TTN: variants seen among roughly 807,000 people sequenced by gnomAD.
The protein encoded by TTN is connectin.
Under a neutral mutation model 3,223.0 loss-of-function variants are expected in TTN, and 1,525 were observed. The observed-to-expected ratio is 0.47, with a 90% CI of 0.45 to 0.49. The LOEUF is 0.49. TTN is among the 20% of genes least tolerant of loss of function. TTN has a pLI of 0.00. For missense variants in TTN, 40,786 were observed against 43,424.0 expected, an observed-to-expected ratio of 0.94 and a Z score of 5.40; for synonymous variants, 14,094 against 15,161.0, an observed-to-expected ratio of 0.93 and a Z score of 5.17.
Position 178,773,147 on chromosome 2 carries a change from G to C in TTN, c.7817C>G (p.Ala2606Gly). ...KDDEGKYTFY[A>G]GENMTSGKLT... The stretch of plus-strand genomic sequence containing the variant: ...TTTTCCAGATGTCATATTTTCTCCC[G>C]CGTAAAATGTGTATTTTCCTTCATC... Residue 2606 changes from alanine to glycine, a missense_variant, in exon 33 of 363, where the codon GCG (alanine) becomes GGG (glycine). Coordinates refer to ENST00000589042, the MANE Select transcript of TTN (RefSeq NM_001267550.2). 1 of 1,613,756 alleles carries C rather than the reference G, an allele frequency of 6.2e-7. No homozygotes were observed. Among genetic ancestry groups the C allele is most frequent in the South Asian group, 1.1e-5 (1 of 91,036 alleles).
At chr2:178,778,827 T>C (rs1471035691) in intron 24 of TTN, 47 bp downstream of exon 24, 14 of 1,612,580 alleles carry the variant, frequency 8.7e-6, no homozygotes, top group Admixed American at 1.7e-5. Flanking sequence ...TTTGATGTTT[T>C]GAAAACAATT....
At position 178,713,100 on chromosome 2, in the gene TTN, G is replaced by A. The variant is rs765386562; in HGVS notation, c.27034C>T (p.Pro9012Ser). ...GTAAACTGACCTCTCACAGTCAAAG[G>A]AGCACTACATTCATCAGAACCAGCC... ...NMAGSDECSA[P>S]LTVREPPSFV... The change falls in exon 93 of 363, where the codon CCT (proline) becomes TCT (serine). Residue 9012 changes from proline (P) to serine (S), a missense_variant. Pro to Ser is a moderately conservative substitution (Grantham distance 74). Coordinates refer to ENST00000589042, the MANE Select transcript of TTN (RefSeq NM_001267550.2). 2 of 1,613,130 alleles carry A rather than the reference G, an allele frequency of 1.2e-6. No homozygotes were observed. Among genetic ancestry groups the A allele is most frequent in the Non-Finnish European group, 8.5e-7 (1 of 1,179,324 alleles).
At chr2:178,649,718 G>T (rs940022457) in intron 211 of TTN, 87 bp from the exon 212 acceptor site, 3 of 1,537,560 alleles carry the variant, frequency 2.0e-6, no homozygotes, top group Admixed American at 3.5e-5. Context: ...TAACATATAG[G>T]TAAGAGTTAA....
Position 178,771,425 on chromosome 2 carries a change from G to A in TTN, c.7902C>T (p.Ser2634=), listed in dbSNP as rs1553997365. 4 of 1,613,810 alleles carry A rather than the reference G, an allele frequency of 2.5e-6. No individual in the cohort carries two copies. The African/African-American group carries it at 4.0e-5, about 16-fold the overall frequency. Residue 2634 remains serine (S), a synonymous_variant, in exon 34 of 363, where the codon TCC becomes TCT. Coordinates refer to ENST00000589042, the MANE Select transcript of TTN (RefSeq NM_001267550.2). ...KPLTDQTVAE[S]QEAVFECEVA... is the part of the protein sequence containing the mutation. ...CTTCACATTCAAACACAGCTTCCTGGGATTCAGCTACGGTCTGATCTGTGA... is the reference window on the plus strand; with the variant it reads ...CTTCACATTCAAACACAGCTTCCTGAGATTCAGCTACGGTCTGATCTGTGA...
rs373099440 is a variant in TTN, at chr2:178,549,332, C to T, written c.92294G>A (p.Arg30765Lys). The T allele has an allele frequency of 1.2e-6, 2 of 1,613,924 alleles. No homozygotes were observed. Among genetic ancestry groups the T allele is most frequent in the South Asian group, 1.1e-5 (1 of 91,084 alleles). The change falls in exon 339 of 363, where the codon AGA becomes AAA. Residue 30765 changes from arginine (R) to lysine (K), a missense_variant. Arg to Lys is a conservative substitution (Grantham distance 26). Coordinates refer to ENST00000589042, the MANE Select transcript of TTN (RefSeq NM_001267550.2). Reference protein sequence around the residue: ...ILERREKKSTRWVKVISKRPI... With the variant: ...ILERREKKSTKWVKVISKRPI... Reference sequence around the variant, plus strand: ...TCGTTTGCTGATCACTTTTACCCATCTTGTGCTTTTCTTTTCTCTTCTTTC... The same window carrying T: ...TCGTTTGCTGATCACTTTTACCCATTTTGTGCTTTTCTTTTCTCTTCTTTC...
At chr2:178,646,158 G>T (rs2061971222) in intron 216 of TTN, 128 bp from the exon 217 acceptor site, 1 of 122,382 alleles carries the variant, frequency 8.2e-6, no homozygotes. Flanking sequence ...GAAGTACAAA[G>T]TTTACTTTTT....
chr2:178,639,826 G>T (rs2060992480), intron 222 of TTN, 38 bp from the exon 223 acceptor site: 1 of 1,535,238 alleles, frequency 6.5e-7, no homozygotes, highest in Non-Finnish European at 8.7e-7. Context: ...GTATCAATTT[G>T]TCACTTCCTA....
rs372189553 is a variant in TTN at position 178,564,431 on chromosome 2, C to T, written c.81701G>A (p.Gly27234Glu). The stretch of plus-strand genomic sequence containing the variant: ...TTCATATCTTTGGTCTTCTACAAGT[C>T]CACTCACTGTAAATTCAGTTTCTAA... ...NVLETEFTVS[G>E]LVEDQRYEFR... The change falls in exon 326 of 363, where the codon GGA becomes GAA. Residue 27234 changes from glycine (G) to glutamate (E), a missense_variant. Transcript: ENST00000589042. 4.0e-5 allele frequency: 64 copies of T among 1,612,804 alleles called. No individual in the cohort carries two copies. The highest frequency in any genetic ancestry group is 4.7e-5 in the Non-Finnish European group (56 of 1,179,396).
At chr2:178,649,533 T>A in intron 212 of TTN, 21 bp downstream of exon 212, 1 of 1,545,738 alleles carries the variant, frequency 6.5e-7, no homozygotes, top group South Asian at 1.2e-5. Context: ...TTTTTTATGA[T>A]GCCAACGATG....
intron 18 of TTN, 70 bp downstream of exon 18, chr2:178,782,736 T>C (rs999709816): frequency 5.6e-6 from 9 of 1,610,416 alleles, no homozygotes; most frequent in African/African-American, 4.0e-5. Flanking sequence ...ACAGAAACCA[T>C]ATTGTGGAAA....
rs794729594 is a variant in TTN, at chr2:178,748,925, T to C, written c.11311+4199A>G. ...TCTTTGCTTTAATGAAAAGGCTTTG[T>C]CATCAATCTTCTTTTGAGGAGGATT... On this transcript the variant is annotated intron_variant, in intron 47 of 362. Transcript: ENST00000589042. 1.9e-6 allele frequency: 3 copies of C among 1,612,564 alleles called. No individual in the cohort carries two copies. The highest frequency in any genetic ancestry group is 2.5e-6 in the Non-Finnish European group (3 of 1,179,290).
chr2:178,731,832 T>A lies in TTN; in HGVS notation c.17043A>T (p.Arg5681Ser). 6.2e-7 allele frequency: 1 copy of A among 1,613,828 alleles called. No homozygotes were observed. Among genetic ancestry groups the A allele is most frequent in the East Asian group, 2.2e-5 (1 of 44,870 alleles). Residue 5681 changes from arginine to serine, a missense_variant, in exon 58 of 363, where the codon AGA becomes AGT. Coordinates refer to ENST00000589042, the MANE Select transcript of TTN (RefSeq NM_001267550.2). ...GATCCTGAATGAAAGTCTTATACTT[T>A]CTACCACTTCGCAGGATTGTGTTAT... ...FKDNTILRSG[R>S]KYKTFIQDHL...
In TTN at chr2:178,551,023, C is replaced by A. The variant is rs1474006988; in HGVS notation, c.91508G>T (p.Gly30503Val). 1 of 1,613,410 alleles carries A rather than the reference C, an allele frequency of 6.2e-7. No homozygotes were observed. Among genetic ancestry groups the A allele is most frequent in the Middle Eastern group, 1.7e-4 (1 of 6,054 alleles). Residue 30503 changes from glycine to valine, a missense_variant, in exon 336 of 363, where the codon GGA becomes GTA. Physicochemically the swap from Gly to Val is moderately radical, Grantham distance 109 (BLOSUM62 -3). Coordinates refer to ENST00000589042, the MANE Select transcript of TTN (RefSeq NM_001267550.2). ...AGACTGTGAGGGCGGGCTTATAGTT[C>A]CAACAGCATTTCTTGCAATTATTCT... is the stretch of plus-strand genomic sequence containing the variant. Reference protein sequence around the residue: ...EFRIIARNAVGTISPPSQSSG... With the variant: ...EFRIIARNAVVTISPPSQSSG...
intron 152 of TTN, among the ~76,000 whole-genome samples, chr2:178,673,356 A>C (rs148615970): frequency 1.2e-4 from 18 of 151,948 alleles, no homozygotes; most frequent in African/African-American, 4.3e-4. Context: ...GGGAAGAGGG[A>C]TCCATTGCTA....
At position 178,712,306 on chromosome 2, in the gene TTN, A is replaced by C. The variant is rs2076781071; in HGVS notation, c.27607+9T>G. ...TATACAAAGATAAAAATGTGCAATCATGACAAACCTAGTATGAGTATTTGT... is the reference window on the plus strand; with the variant it reads ...TATACAAAGATAAAAATGTGCAATCCTGACAAACCTAGTATGAGTATTTGT... On this transcript the variant is annotated intron_variant, in intron 95 of 362. Transcript: ENST00000589042. 6.2e-7 allele frequency: 1 copy of C among 1,610,708 alleles called. No homozygotes were observed. The highest frequency in any genetic ancestry group is 1.3e-5 in the African/African-American group (1 of 74,814).
In TTN at chr2:178,612,280, A is replaced by G. The variant is rs878944282; in HGVS notation, c.50245T>C (p.Phe16749Leu). 1 of 1,612,020 alleles carries G rather than the reference A, an allele frequency of 6.2e-7. No homozygotes were observed. The highest frequency in any genetic ancestry group is 8.5e-7 in the Non-Finnish European group (1 of 1,179,026). ...IEDSVLAKDT[F>L]TTPGPPYALA... ...AAGATTAAGTGCAAGAGCATACTAAAGGTGTCTTTGGCCAGCACAGAGTCC... is the reference window on the plus strand; with the variant it reads ...AAGATTAAGTGCAAGAGCATACTAAGGGTGTCTTTGGCCAGCACAGAGTCC... The change falls in exon 266 of 363, where the codon TTT (phenylalanine) becomes CTT (leucine). Residue 16749 changes from phenylalanine (F) to leucine (L), a missense_variant. By Grantham distance (22) the Phe-to-Leu change is conservative. Transcript: ENST00000589042.
chr2:178,757,915 T>G lies in TTN; in HGVS notation c.10305A>C (p.Gly3435=). Residue 3435 remains glycine, a splice_region_variant and synonymous_variant, in exon 45 of 363, where the codon GGA becomes GGC. Coordinates refer to ENST00000589042, the MANE Select transcript of TTN (RefSeq NM_001267550.2). ...ATGTATTTTCTTCAAATTTGCTAAA[T>G]CCTGAAAAGAAGCATACCAATTTTT... ...VSSTANLSLE[G]FSKFEENTSN... 1 of 1,516,552 alleles carries G rather than the reference T, an allele frequency of 6.6e-7. No homozygotes were observed. The highest frequency in any genetic ancestry group is 2.2e-5 in the Admixed American group (1 of 44,610). The allele number at this position is 1,516,552 out of a possible 1,614,324, so 93.9% of individuals were successfully genotyped here. A position where few individuals can be genotyped will look rare whatever the true frequency, so the allele number is the denominator to read the frequency against.
chr2:178,731,686 C>A lies in TTN; in HGVS notation c.17182+7G>T. The A allele has an allele frequency of 6.2e-7, 1 of 1,605,374 alleles. No individual in the cohort carries two copies. The highest frequency in any genetic ancestry group is 8.5e-7 in the Non-Finnish European group (1 of 1,174,338). ...AAAGCCAGTCCCTCACTGGAACCAA[C>A]ACTAACCTCTTAAAGTCACCCTGGC... On this transcript the variant is annotated splice_region_variant and intron_variant, in intron 58 of 362. Transcript: ENST00000589042.
rs749908018 is a variant in TTN at position 178,620,092 on chromosome 2, C to G, written c.46325G>C (p.Gly15442Ala). 3.1e-6 allele frequency: 5 copies of G among 1,609,904 alleles called. No individual in the cohort carries two copies. In the South Asian group the frequency reaches 3.3e-5, roughly 11 times the overall value. Residue 15442 changes from glycine to alanine, a missense_variant, in exon 249 of 363, where the codon GGA becomes GCA. Physicochemically the swap from Gly to Ala is moderately conservative, Grantham distance 60. Coordinates refer to ENST00000589042, the MANE Select transcript of TTN (RefSeq NM_001267550.2). ...TTTTATAATGAGTCTGTGTATACTT[C>G]CATCTTTTTCAAATTTGTATCTAAA... Reference protein sequence around the residue: ...EGKKYKFEKDGSIHRLIIKDC... With the variant: ...EGKKYKFEKDASIHRLIIKDC...
Sources: gnomAD v4.1 joint callset for allele counts (sites outside exome capture counted in the v4.1 genomes callset) on GRCh38, gnomAD v4.1.1 for gene constraint, MANE v1.5 for transcripts, NCBI Gene and HGNC (gene_info 2026-07-23, HGNC 2026-07-21) for gene names.